The following CFAP20DC variants were observed in gnomAD, a reference collection of about 807,000 sequenced individuals.
CFAP20DC encodes CFAP20 domain containing.
Under a neutral mutation model 101.7 loss-of-function variants are expected in CFAP20DC, and 84 were observed. The observed-to-expected ratio is 0.83, with a 90% CI of 0.69 to 0.99. The LOEUF (loss-of-function observed/expected upper bound fraction) is 0.99. CFAP20DC is among the 50% of genes least tolerant of loss of function. The pLI is 0.00. For synonymous variants in CFAP20DC, 359 were observed against 351.2 expected, an observed-to-expected ratio of 1.02 and a Z score of -0.25; for missense variants, 1,007 against 970.3, an observed-to-expected ratio of 1.04 and a Z score of -0.50.
chr3:58,877,365 G>C (rs1252396421), intron 7 of CFAP20DC, among the ~76,000 whole-genome samples: 1 of 152,212 alleles, frequency 6.6e-6, no homozygotes, highest in Non-Finnish European at 1.5e-5. Context: ...TGTGATAAGA[G>C]CTATGAAGGA....
At chr3:58,933,134 A>C (rs988632827) in intron 5 of CFAP20DC, among the ~76,000 whole-genome samples, 2 of 152,144 alleles carry the variant, frequency 1.3e-5, no homozygotes, top group African/African-American at 4.8e-5. Flanking sequence ...AGTCTCTGAT[A>C]AAACAGACTT....
intron 4 of CFAP20DC, among the ~76,000 whole-genome samples, chr3:58,963,138 C>T (rs933217306): frequency 4.7e-5 from 7 of 148,882 alleles, no homozygotes; most frequent in African/African-American, 1.7e-4. Flanking sequence ...ACTGCAGCAG[C>T]CCCAGACAAA....
intron 12 of CFAP20DC, among the ~76,000 whole-genome samples, chr3:58,854,122 A>G (rs1373799999): frequency 1.3e-5 from 2 of 152,094 alleles, no homozygotes; most frequent in East Asian, 1.9e-4. Context: ...AAGCTGATGA[A>G]CAACTTCAGC....
chr3:58,809,679 A>G (rs1308311102), intron 14 of CFAP20DC, among the ~76,000 whole-genome samples: 2 of 152,242 alleles, frequency 1.3e-5, no homozygotes, highest in Admixed American at 1.3e-4. Flanking sequence ...GAAAGCTAGC[A>G]GAAGGCAAGA....
In CFAP20DC at chr3:58,947,995, C is replaced by T. The variant is rs543956090; in HGVS notation, c.279-10233G>A. On this transcript the variant is annotated intron_variant, in intron 4 of 16. Transcript: ENST00000482387. ...AAGGGTTACGGGCTGCCTTTAGGGG[C>T]CTTAACTCCCCAGTATTTCCAAGTT... Among the ~76,000 whole-genome samples, 7 of 152,266 alleles carry T rather than the reference C, an allele frequency of 4.6e-5. No homozygotes were observed. The South Asian group carries it at 1.5e-3, about 32-fold the overall frequency.
intron 12 of CFAP20DC, among the ~76,000 whole-genome samples, chr3:58,860,527 C>A (rs1329249370): frequency 2.0e-5 from 3 of 152,222 alleles, no homozygotes; most frequent in East Asian, 1.9e-4. Context: ...CCAAATGTTC[C>A]AATTTGGACT....
chr3:58,857,015 A>G (rs1313376275), intron 12 of CFAP20DC, among the ~76,000 whole-genome samples: 1 of 152,224 alleles, frequency 6.6e-6, no homozygotes, highest in African/African-American at 2.4e-5. Context: ...TTCAGTAAAC[A>G]TTAATGCAAT....
chr3:58,757,026 G>A (rs549172889), intron 15 of CFAP20DC, among the ~76,000 whole-genome samples: 68 of 151,940 alleles, frequency 4.5e-4, no homozygotes, highest in Non-Finnish European at 8.7e-4. Context: ...GAATAACCTT[G>A]GGTATGTTTA....
chr3:58,870,143 TTAGA>T, intron 8 of CFAP20DC, 26 bp downstream of exon 8: 3 of 1,504,024 alleles, frequency 2.0e-6, no homozygotes, highest in Non-Finnish European at 2.7e-6. Context: ...TCACTTGTGC[TTAGA>T]TAAGCTCTCC....
At chr3:58,956,693 T>A (rs2090660667) in intron 4 of CFAP20DC, among the ~76,000 whole-genome samples, 1 of 152,160 alleles carries the variant, frequency 6.6e-6, no homozygotes, top group South Asian at 2.1e-4. Context: ...ACACTGCTAA[T>A]AAAGACATAC....
In CFAP20DC at chr3:58,904,307, T is replaced by C. The variant is rs181370960; in HGVS notation, c.550+9401A>G. Among the ~76,000 whole-genome samples, 249 of 152,082 alleles carry C rather than the reference T, an allele frequency of 1.6e-3. 2 individuals are homozygous for C. The highest frequency in any genetic ancestry group is 5.7e-3 in the African/African-American group (238 of 41,560). On this transcript the variant is annotated intron_variant, in intron 6 of 16. Coordinates refer to ENST00000482387, the MANE Select transcript of CFAP20DC (RefSeq NM_001394063.1). ...TATTATAAATAATATTTTATAAATG[T>C]TTAATTTTAAAATATAATAGATATT...
chr3:58,723,547 G>T (rs1460374190), intron 3 of CFAP20DC, among the ~76,000 whole-genome samples: 1 of 152,190 alleles, frequency 6.6e-6, no homozygotes, highest in African/African-American at 2.4e-5. Context: ...ACCTTCATTG[G>T]AAACGAAGGT....
At position 58,842,239 on chromosome 3, in the gene CFAP20DC, T is replaced by C. The variant is rs564324295; in HGVS notation, c.1971+6793A>G. ...CGCAGAAGACGGGTGATTTCTGCAT[T>C]TCCATCTGAGGTACCGGGTTCATCT... On this transcript the variant is annotated intron_variant, in intron 13 of 16. Transcript: ENST00000482387. 2.0e-5 allele frequency among the ~76,000 whole-genome samples: 3 copies of C among 152,218 alleles called. No individual in the cohort carries two copies. In the South Asian group the frequency reaches 6.2e-4, roughly 32 times the overall value.
chr3:58,932,303 T>C (rs577980208), intron 5 of CFAP20DC, among the ~76,000 whole-genome samples: 3 of 152,346 alleles, frequency 2.0e-5, no homozygotes, highest in Non-Finnish European at 4.4e-5. Flanking sequence ...TTGATTGGTG[T>C]ACCTGAAAGT....
chr3:58,735,041 A>G (rs2067720544), intron 3 of CFAP20DC, among the ~76,000 whole-genome samples: 1 of 152,110 alleles, frequency 6.6e-6, no homozygotes, highest in African/African-American at 2.4e-5. Context: ...AAATGGAAAG[A>G]CTCCAAAACC....
intron 6 of CFAP20DC, among the ~76,000 whole-genome samples, chr3:58,910,148 T>C (rs941114187): frequency 6.6e-6 from 1 of 152,192 alleles, no homozygotes; most frequent in African/African-American, 2.4e-5. Context: ...GATGGGCATT[T>C]GGGTTGATTC....
At chr3:58,792,880 G>C (rs1256383785) in intron 15 of CFAP20DC, among the ~76,000 whole-genome samples, 3 of 151,838 alleles carry the variant, frequency 2.0e-5, no homozygotes, top group Non-Finnish European at 4.4e-5. Flanking sequence ...AAGTACATGT[G>C]GTGTTGGTAT....
intron 14 of CFAP20DC, among the ~76,000 whole-genome samples, chr3:58,829,889 G>A (rs1480724189): frequency 2.0e-5 from 3 of 152,120 alleles, no homozygotes; most frequent in South Asian, 2.1e-4. Flanking sequence ...GAATCAGCTC[G>A]ATCAGGAGGC....
rs986664325 is a variant in CFAP20DC, at chr3:58,897,356, A to G, written c.551-12647T>C. Reference sequence around the variant, plus strand: ...ATTGTGTCTTTTAATGGGGACACTAAGCCCATTTACATCTAAGGTTAGTAT... The same window carrying G: ...ATTGTGTCTTTTAATGGGGACACTAGGCCCATTTACATCTAAGGTTAGTAT... On this transcript the variant is annotated intron_variant, in intron 6 of 16. Coordinates refer to ENST00000482387, the MANE Select transcript of CFAP20DC (RefSeq NM_001394063.1). This position sits in a 1 kb window ranked among gnomAD's most constrained non-coding sequence, Gnocchi z 4.4. Among the ~76,000 whole-genome samples, 1 of 152,206 alleles carries G rather than the reference A, an allele frequency of 6.6e-6. No homozygotes were observed. Among genetic ancestry groups the G allele is most frequent in the African/African-American group, 2.4e-5 (1 of 41,444 alleles).
Sources: allele counts gnomAD v4.1 joint callset (sites outside exome capture counted in the v4.1 genomes callset), GRCh38; gene constraint gnomAD v4.1.1; non-coding constraint Gnocchi (gnomAD v3.1); transcripts MANE v1.5; gene names NCBI Gene and HGNC (gene_info 2026-07-23, HGNC 2026-07-21).